The following CAPN15 variants were observed in gnomAD, a reference collection of about 807,000 sequenced individuals.
CAPN15 encodes the protein calpain-15.
A neutral mutation model predicts 97.9 loss-of-function variants in CAPN15; 53 were observed. The ratio of observed to expected loss-of-function variants is 0.54; its 90% CI spans 0.43 to 0.68. CAPN15 has a LOEUF of 0.68. Ranked by LOEUF, CAPN15 falls within the 30% of genes least tolerant of loss-of-function variation. CAPN15 has a pLI of 0.00. For missense variants in CAPN15, 1,592 were observed against 1,589.8 expected (o/e 1.00, Z -0.02); for synonymous variants, 922 against 722.5 (o/e 1.28, Z -4.43).
At chr16:550,419 G>C (rs2034907447) in intron 7 of CAPN15, among the ~76,000 whole-genome samples, 1 of 152,240 alleles carries the variant, frequency 6.6e-6, no homozygotes, top group Non-Finnish European at 1.5e-5. Flanking sequence ...TTCAGGCATG[G>C]TGGAGGGGGC....
intron 1 of CAPN15, among the ~76,000 whole-genome samples, chr16:531,959 GC>G (rs1196900628): frequency 1.3e-5 from 2 of 152,216 alleles, no homozygotes; most frequent in African/African-American, 2.4e-5. Context: ...AGAAGTCGGG[GC>G]TGGGTGCGGT....
In CAPN15 at chr16:552,994, C is replaced by A; in HGVS notation, c.3036C>A (p.Ser1012=). 1 of 1,610,594 alleles carries A rather than the reference C, an allele frequency of 6.2e-7. No homozygotes were observed. Among genetic ancestry groups the A allele is most frequent in the Non-Finnish European group, 8.5e-7 (1 of 1,178,714 alleles). The change falls in exon 13 of 14, where the codon TCC becomes TCA. Residue 1012 remains serine, a synonymous_variant. Coordinates refer to ENST00000219611, the MANE Select transcript of CAPN15 (RefSeq NM_005632.3). The surrounding 1 kb of genome is among the most constrained non-coding windows in gnomAD (Gnocchi z 6.4). Reference sequence around the variant, plus strand: ...GCACCGACAGCTTCAACGTGGTGTCCACACGCGGCAGCCTGCGTACCCAGG... The same window carrying A: ...GCACCGACAGCTTCAACGTGGTGTCAACACGCGGCAGCCTGCGTACCCAGG... ...CDCTDSFNVV[S]TRGSLRTQDS...
chr16:547,041 G>T lies in CAPN15; in HGVS notation c.203G>T (p.Gly68Val). Residue 68 changes from glycine (G) to valine (V), a missense_variant, in exon 4 of 14, where the codon GGC becomes GTC. By Grantham distance (109) the Gly-to-Val change is moderately radical. Transcript: ENST00000219611. ...FLGKEACEVC[G>V]FTPEPAPGAA... ...GGCAAGGAGGCCTGCGAGGTGTGCG[G>T]CTTCACCCCGGAGCCTGCGCCTGGG... 3 of 1,608,136 alleles carry T rather than the reference G, an allele frequency of 1.9e-6. No individual in the cohort carries two copies. Among genetic ancestry groups the T allele is most frequent in the Non-Finnish European group, 1.7e-6 (2 of 1,179,154 alleles).
chr16:531,843 G>A (rs758495151), intron 1 of CAPN15, among the ~76,000 whole-genome samples: 7 of 152,182 alleles, frequency 4.6e-5, no homozygotes, highest in South Asian at 2.1e-4. Context: ...TGAGGTCACC[G>A]GGCTGCCCAG....
At position 552,136 on chromosome 16, in the gene CAPN15, G is replaced by A. The variant is rs377243031; in HGVS notation, c.2431G>A (p.Ala811Thr). ...VQGCFPSSAS[A>T]PVGVTALTVL... Reference sequence around the variant, plus strand: ...GGGCTGCTTTCCCAGCTCGGCCAGCGCGCCCGTGGGGGTAACAGCGCTCAC... The same window carrying A: ...GGGCTGCTTTCCCAGCTCGGCCAGCACGCCCGTGGGGGTAACAGCGCTCAC... Residue 811 changes from alanine to threonine, a missense_variant, in exon 10 of 14, where the codon GCG (alanine) becomes ACG (threonine). By Grantham distance (58) the Ala-to-Thr change is moderately conservative. Coordinates refer to ENST00000219611, the MANE Select transcript of CAPN15 (RefSeq NM_005632.3). This position sits in a 1 kb window ranked among gnomAD's most constrained non-coding sequence, Gnocchi z 6.4. The A allele has an allele frequency of 2.6e-4, 396 of 1,547,840 alleles. No homozygotes were observed. Among genetic ancestry groups the A allele is most frequent in the Non-Finnish European group, 3.1e-4 (355 of 1,146,314 alleles).
chr16:542,712 C>T (rs111852967), intron 3 of CAPN15, among the ~76,000 whole-genome samples: 14,776 of 152,024 alleles, frequency 0.097, 1,167 homozygotes, highest in African/African-American at 0.21. Context: ...CTCAGCCTCC[C>T]AAGTAGCTGG....
chr16:537,356 A>C, intron 3 of CAPN15: 1 of 985,594 alleles, frequency 1.0e-6, no homozygotes, highest in Non-Finnish European at 1.2e-6. Context: ...CCTTGGGCCT[A>C]AAGGCATCAG....
rs1041544940 is a variant in CAPN15 at position 553,369 on chromosome 16, G to C, written c.3114G>C (p.Glu1038Asp). Residue 1038 changes from glutamate (E) to aspartate (D), a missense_variant, in exon 14 of 14, where the codon GAG becomes GAC. Glu to Asp is a conservative substitution (Grantham distance 45). Coordinates refer to ENST00000219611, the MANE Select transcript of CAPN15 (RefSeq NM_005632.3). ...TCCTGGTGATCTTGTCCCAGCTAGAGGGCAACGCCGGCTTCTCTATCACCC... is the reference window on the plus strand; with the variant it reads ...TCCTGGTGATCTTGTCCCAGCTAGACGGCAACGCCGGCTTCTCTATCACCC... ...RQVLVILSQL[E>D]GNAGFSITHR... 3 of 1,607,632 alleles carry C rather than the reference G, an allele frequency of 1.9e-6. No homozygotes were observed. The highest frequency in any genetic ancestry group is 2.5e-6 in the Non-Finnish European group (3 of 1,178,172).
chr16:533,326 C>T (rs374272645), intron 1 of CAPN15, among the ~76,000 whole-genome samples: 35 of 152,364 alleles, frequency 2.3e-4, no homozygotes, highest in East Asian at 1.2e-3. Flanking sequence ...GGGCGGGAAG[C>T]GTGAGCATCC....
At chr16:548,620 G>A (rs1182759314) in intron 4 of CAPN15, among the ~76,000 whole-genome samples, 1 of 152,244 alleles carries the variant, frequency 6.6e-6, no homozygotes, top group African/African-American at 2.4e-5. Flanking sequence ...GCTGAAGTGC[G>A]AGGTCGGGAT....
In CAPN15 at chr16:548,128, G is replaced by A; in HGVS notation, c.1290G>A (p.Lys430=). 1 of 1,530,866 alleles carries A rather than the reference G, an allele frequency of 6.5e-7. No individual in the cohort carries two copies. The highest frequency in any genetic ancestry group is 8.8e-7 in the Non-Finnish European group (1 of 1,139,980). The allele number at this position is 1,530,866 out of a possible 1,614,324, so 94.8% of individuals were successfully genotyped here. The change falls in exon 4 of 14, where the codon AAG becomes AAA. Residue 430 remains lysine, a synonymous_variant. Transcript: ENST00000219611. ...ACTLLNALRA[K]HCAACHTPQL... ...CCCTGCTCAACGCACTGCGGGCCAA[G>A]CACTGCGCCGCCTGCCACACGCCTC...
intron 7 of CAPN15, 109 bp downstream of exon 7, chr16:549,947 G>T: frequency 3.2e-6 from 3 of 935,098 alleles, no homozygotes; most frequent in Non-Finnish European, 4.9e-6. Flanking sequence ...TCCACGAGGT[G>T]CCCCTGGCGT....
At chr16:537,182 C>T (rs1461903298) in intron 3 of CAPN15, 6 of 985,374 alleles carry the variant, frequency 6.1e-6, no homozygotes, top group Admixed American at 1.2e-4. Flanking sequence ...TGTGCTGTCC[C>T]TGCTCTCCTA....
rs1027882632 is a variant in CAPN15 at position 554,102 on chromosome 16, C to T, written c.*586C>T. On this transcript the variant is annotated 3_prime_UTR_variant, in exon 14 of 14. Coordinates refer to ENST00000219611, the MANE Select transcript of CAPN15 (RefSeq NM_005632.3). ...GACACTATGCAAATCCTGGAGTGCC[C>T]GCCAGGATCGAAGCCATGACTGGGT... 10 of 198,032 alleles carry T rather than the reference C, an allele frequency of 5.0e-5. No homozygotes were observed. Among genetic ancestry groups the T allele is most frequent in the East Asian group, 1.3e-4 (1 of 7,610 alleles). 12.3% of individuals were successfully genotyped at this position (198,032 alleles called of 1,614,324 possible).
Position 548,312 on chromosome 16 carries a change from C to T in CAPN15, c.1449+25C>T, listed in dbSNP as rs932554544. On this transcript the variant is annotated intron_variant, in intron 4 of 13. Coordinates refer to ENST00000219611, the MANE Select transcript of CAPN15 (RefSeq NM_005632.3). ...GGTGAGGCGCCCCCTCGCCCTCTTCCTGCTCCTGAGCCTCCTGCTCCCGCC... is the reference window on the plus strand; with the variant it reads ...GGTGAGGCGCCCCCTCGCCCTCTTCTTGCTCCTGAGCCTCCTGCTCCCGCC... 3 of 1,449,070 alleles carry T rather than the reference C, an allele frequency of 2.1e-6. No individual in the cohort carries two copies. The African/African-American group carries it at 4.5e-5, about 22-fold the overall frequency. The allele number at this position is 1,449,070 out of a possible 1,614,324, so 89.8% of individuals were successfully genotyped here.
At position 552,381 on chromosome 16, in the gene CAPN15, T is replaced by A; in HGVS notation, c.2588T>A (p.Leu863His). The change falls in exon 11 of 14, where the codon CTC (leucine) becomes CAC (histidine). Residue 863 changes from leucine (L) to histidine (H), a missense_variant. Transcript: ENST00000219611. This position sits in a 1 kb window ranked among gnomAD's most constrained non-coding sequence, Gnocchi z 6.4. Reference protein sequence around the residue: ...FRATFGSGGHLSLGRLLAHSK... With the variant: ...FRATFGSGGHHSLGRLLAHSK... ...GCCACGTTCGGCAGCGGCGGCCACCTCAGCCTGGGCCGCCTCCTGGCCCAC... is the reference window on the plus strand; with the variant it reads ...GCCACGTTCGGCAGCGGCGGCCACCACAGCCTGGGCCGCCTCCTGGCCCAC... The A allele has an allele frequency of 1.2e-6, 2 of 1,603,926 alleles. No homozygotes were observed. The highest frequency in any genetic ancestry group is 1.7e-6 in the Non-Finnish European group (2 of 1,178,044).
rs538763380 is a variant in CAPN15, at chr16:553,097, G to A, written c.3083+56G>A. 2.9e-4 allele frequency: 262 copies of A among 906,046 alleles called. 1 individual carries two copies. The African/African-American group carries it at 6.1e-3, about 21-fold the overall frequency. 56.1% of individuals were successfully genotyped at this position (906,046 alleles called of 1,614,324 possible). A position where few individuals can be genotyped will look rare whatever the true frequency, so the allele number is the denominator to read the frequency against. Reference sequence around the variant, plus strand: ...GCACAGGTGCCCCCTCCCCTACCCCGCTGCACCCACACCCAACTCGTGCCC... The same window carrying A: ...GCACAGGTGCCCCCTCCCCTACCCCACTGCACCCACACCCAACTCGTGCCC... On this transcript the variant is annotated intron_variant, in intron 13 of 13. Transcript: ENST00000219611.
rs1346573800 is a variant in CAPN15, at chr16:553,386, C to G, written c.3131C>G (p.Ser1044Cys). The stretch of plus-strand genomic sequence containing the variant: ...CAGCTAGAGGGCAACGCCGGCTTCT[C>G]TATCACCCACCGCCTGGCACATCGC... ...LSQLEGNAGF[S>C]ITHRLAHRKA... The change falls in exon 14 of 14, where the codon TCT (serine) becomes TGT (cysteine). Residue 1044 changes from serine to cysteine, a missense_variant. Coordinates refer to ENST00000219611, the MANE Select transcript of CAPN15 (RefSeq NM_005632.3). The G allele has an allele frequency of 1.9e-6, 3 of 1,609,802 alleles. No homozygotes were observed. Among genetic ancestry groups the G allele is most frequent in the Non-Finnish European group, 8.5e-7 (1 of 1,179,016 alleles).
Position 552,799 on chromosome 16 carries a change from C to CGTGGGGGGGGGGGGGGG in CAPN15, c.2904+34_2904+35insGGGGGGGGGGGGTGGGG. 5 of 1,510,904 alleles carry CGTGGGGGGGGGGGGGGG rather than the reference C, an allele frequency of 3.3e-6. No individual in the cohort carries two copies. The highest frequency in any genetic ancestry group is 2.5e-5 in the East Asian group (1 of 40,296). The allele number at this position is 1,510,904 out of a possible 1,614,324, so 93.6% of individuals were successfully genotyped here. Reference sequence around the variant, plus strand: ...GGGTGGGGGTCCCGGGGGAGGGTGGCGTGGGGCAGGGGGAGTATGCCCCAG... The same window carrying CGTGGGGGGGGGGGGGGG: ...GGGTGGGGGTCCCGGGGGAGGGTGGCGTGGGGGGGGGGGGGGGGTGGGGCAGGGGGAGTATGCCCCAG... On this transcript the variant is annotated intron_variant, in intron 12 of 13. Coordinates refer to ENST00000219611, the MANE Select transcript of CAPN15 (RefSeq NM_005632.3). The surrounding 1 kb of genome is among the most constrained non-coding windows in gnomAD (Gnocchi z 6.4).
Sources: gnomAD v4.1 joint callset for allele counts (sites outside exome capture counted in the v4.1 genomes callset) on GRCh38, gnomAD v4.1.1 for gene constraint, Gnocchi (gnomAD v3.1) non-coding constraint, MANE v1.5 for transcripts, NCBI Gene and HGNC (gene_info 2026-07-23, HGNC 2026-07-21) for gene names.